Variants in ZSWIM3 observed in about 807,000 individuals in gnomAD.
ZSWIM3 encodes zinc finger SWIM-type containing 3, also known as zinc finger SWIM domain-containing protein 3.
Under a neutral mutation model 47.5 loss-of-function variants are expected in ZSWIM3, and 27 were observed. The ratio of observed to expected loss-of-function variants is 0.57; its 90% CI spans 0.42 to 0.78. The LOEUF (loss-of-function observed/expected upper bound fraction) is 0.78, where lower values mean the gene tolerates loss of function less well. Among genes scored for constraint, ZSWIM3 ranks in the 30% least tolerant of loss-of-function variants. ZSWIM3 has a pLI of 0.00. For synonymous variants in ZSWIM3, 333 were observed against 333.9 expected (o/e 1.00, Z 0.03); for missense variants, 689 against 861.3 (o/e 0.80, Z 2.50).
intron 1 of ZSWIM3, among the ~76,000 whole-genome samples, chr20:45,873,273 T>C (rs892909921): frequency 2.0e-5 from 3 of 152,102 alleles, no homozygotes; most frequent in African/African-American, 2.4e-5. Flanking sequence ...TGGTGGCGCA[T>C]GCCTGTAATC....
Position 45,878,304 on chromosome 20 carries a change from C to T in ZSWIM3, c.1746C>T (p.Arg582=), listed in dbSNP as rs781502902. The part of the protein sequence containing the change: ...QQPVGEAMVC[R]RWQKKYQYLL... The stretch of plus-strand genomic sequence containing the variant: ...CGGTTGGTGAAGCCATGGTGTGCCG[C>T]CGGTGGCAGAAGAAGTACCAGTACC... Residue 582 remains arginine (R), a synonymous_variant, in exon 2 of 2, where the codon CGC becomes CGT. Transcript: ENST00000255152. 6 of 1,614,216 alleles carry T rather than the reference C, an allele frequency of 3.7e-6. No homozygotes were observed. The highest frequency in any genetic ancestry group is 5.1e-6 in the Non-Finnish European group (6 of 1,180,046).
chr20:45,872,632 TG>T lies in ZSWIM3; in HGVS notation c.156-4080del, dbSNP rs1391560569. 1.9e-6 allele frequency: 2 copies of T among 1,047,514 alleles called. 1 individual carries two copies. The highest frequency in any genetic ancestry group is 3.3e-5 in the African/African-American group (2 of 60,674). 64.9% of individuals were successfully genotyped at this position (1,047,514 alleles called of 1,614,324 possible). On this transcript the variant is annotated intron_variant, in intron 1 of 1. Coordinates refer to ENST00000255152, the MANE Select transcript of ZSWIM3 (RefSeq NM_080752.4). ...ACATGCACAAAGGTGAGACAGAGCA[TG>T]GTGAACACACAAAGTTGTAGGCATT...
At chr20:45,867,374 G>A (rs537506387) in intron 1 of ZSWIM3, among the ~76,000 whole-genome samples, 1 of 152,302 alleles carries the variant, frequency 6.6e-6, no homozygotes, top group East Asian at 1.9e-4. Flanking sequence ...TCACTGTAGT[G>A]AGGGCAGTGT....
At chr20:45,875,333 T>C (rs1018635245) in intron 1 of ZSWIM3, among the ~76,000 whole-genome samples, 1 of 151,342 alleles carries the variant, frequency 6.6e-6, no homozygotes, top group African/African-American at 2.4e-5. Context: ...TGAGCCACTG[T>C]ACCTGGCCAA....
Position 45,877,584 on chromosome 20 carries a change from T to G in ZSWIM3, c.1026T>G (p.Thr342=). 1 of 1,614,182 alleles carries G rather than the reference T, an allele frequency of 6.2e-7. No individual in the cohort carries two copies. The highest frequency in any genetic ancestry group is 8.5e-7 in the Non-Finnish European group (1 of 1,180,030). The change falls in exon 2 of 2, where the codon ACT becomes ACG. Residue 342 remains threonine (T), a synonymous_variant. Transcript: ENST00000255152. The part of the protein sequence containing the change: ...KEALREAVFV[T]SEASLKNLCQ... ...CCCTGCGGGAGGCCGTGTTTGTCAC[T>G]TCTGAAGCCAGCCTGAAAAATCTCT...
chr20:45,877,622 A>G lies in ZSWIM3; in HGVS notation c.1064A>G (p.Gln355Arg). The G allele has an allele frequency of 6.2e-7, 1 of 1,614,184 alleles. No individual in the cohort carries two copies. Among genetic ancestry groups the G allele is most frequent in the Non-Finnish European group, 8.5e-7 (1 of 1,180,024 alleles). ...CTGAAAAATCTCTGCCAGATGTCCC[A>G]GGCCGTACTGGATGAGGATCTCTTC... ...ASLKNLCQMS[Q>R]AVLDEDLFNF... is the part of the protein sequence containing the mutation. Residue 355 changes from glutamine (Q) to arginine (R), a missense_variant, in exon 2 of 2, where the codon CAG becomes CGG. Transcript: ENST00000255152.
chr20:45,860,863 G>A (rs1001432258), intron 1 of ZSWIM3, among the ~76,000 whole-genome samples: 1 of 152,200 alleles, frequency 6.6e-6, no homozygotes, highest in African/African-American at 2.4e-5. Flanking sequence ...ATTAGGACAA[G>A]GACATCTTCA....
Position 45,877,956 on chromosome 20 carries a change from C to T in ZSWIM3, c.1398C>T (p.Ser466=). Residue 466 remains serine (S), a synonymous_variant, in exon 2 of 2, where the codon AGC becomes AGT. Coordinates refer to ENST00000255152, the MANE Select transcript of ZSWIM3 (RefSeq NM_080752.4). ...GAATCTGTGGAGAGAGCCTTACCAG[C>T]CTCCCTGCAGAAGAGACCAAGCCAG... ...AFGICGESLT[S]LPAEETKPDA... The T allele has an allele frequency of 6.2e-7, 1 of 1,614,114 alleles. No homozygotes were observed. The highest frequency in any genetic ancestry group is 8.5e-7 in the Non-Finnish European group (1 of 1,180,026).
intron 1 of ZSWIM3, among the ~76,000 whole-genome samples, chr20:45,875,114 C>A (rs900605683): frequency 1.4e-5 from 2 of 145,348 alleles, no homozygotes; most frequent in Non-Finnish European, 3.0e-5. Flanking sequence ...TCTTGGCTCA[C>A]TGCAAGCAAG....
intron 1 of ZSWIM3, among the ~76,000 whole-genome samples, chr20:45,874,382 C>T (rs1009011007): frequency 1.3e-5 from 2 of 152,164 alleles, no homozygotes; most frequent in Admixed American, 6.5e-5. Context: ...TGCAGTGCTG[C>T]ATGCCTGTCA....
Position 45,878,456 on chromosome 20 carries a change from C to T in ZSWIM3, c.1898C>T (p.Thr633Ile), listed in dbSNP as rs771307649. 10 of 1,614,078 alleles carry T rather than the reference C, an allele frequency of 6.2e-6. No homozygotes were observed. The highest frequency in any genetic ancestry group is 8.5e-6 in the Non-Finnish European group (10 of 1,180,044). ...GAGTTAGCAAACCTGCTCATGCAGA[C>T]CGAGGGGCCAGAGCTGGAGGAACGC... ...SRELANLLMQ[T>I]EGPELEERYS... Residue 633 changes from threonine to isoleucine, a missense_variant, in exon 2 of 2, where the codon ACC becomes ATC. Thr to Ile is a moderately conservative substitution (Grantham distance 89). Coordinates refer to ENST00000255152, the MANE Select transcript of ZSWIM3 (RefSeq NM_080752.4).
chr20:45,860,434 C>T (rs918731222), intron 1 of ZSWIM3, among the ~76,000 whole-genome samples: 5 of 122,128 alleles, frequency 4.1e-5, no homozygotes, highest in African/African-American at 1.6e-4. Flanking sequence ...AGAATTGCAG[C>T]CGGGAGGTGG....
chr20:45,873,208 C>T (rs918446436), intron 1 of ZSWIM3, among the ~76,000 whole-genome samples: 1 of 152,172 alleles, frequency 6.6e-6, no homozygotes, highest in Non-Finnish European at 1.5e-5. Context: ...TCAAGACCAG[C>T]CTGGCCAACA....
chr20:45,876,378 G>A (rs1264046616), intron 1 of ZSWIM3, among the ~76,000 whole-genome samples: 1 of 152,078 alleles, frequency 6.6e-6, no homozygotes, highest in Non-Finnish European at 1.5e-5. Context: ...TCACTCTGTT[G>A]CCCAGGCTGG....
At chr20:45,858,060 GT>G (rs1220980479) in intron 1 of ZSWIM3, 80 bp downstream of exon 1, 2 of 1,474,226 alleles carry the variant, frequency 1.4e-6, no homozygotes, top group Non-Finnish European at 1.8e-6. Flanking sequence ...AGGAGGAGGG[GT>G]GCATAGGCAC....
Position 45,878,575 on chromosome 20 carries a change from C to T in ZSWIM3, c.2017C>T (p.Arg673Cys), listed in dbSNP as rs141779185. The T allele has an allele frequency of 1.5e-4, 241 of 1,614,060 alleles. No individual in the cohort carries two copies. In the African/African-American group the frequency reaches 1.6e-3, roughly 10 times the overall value. The change falls in exon 2 of 2, where the codon CGC becomes TGC. Residue 673 changes from arginine (R) to cysteine (C), a missense_variant. By Grantham distance (180) the Arg-to-Cys change is radical. Coordinates refer to ENST00000255152, the MANE Select transcript of ZSWIM3 (RefSeq NM_080752.4). ...GCCAGGAGACTTTAAGGACGTGGGC[C>T]GCCTCCCTTTCCTCTGGGGAAAGCA... is the stretch of plus-strand genomic sequence containing the variant. ...QQPGDFKDVG[R>C]LPFLWGKQEE...
intron 1 of ZSWIM3, 46 bp from the exon 2 acceptor site, chr20:45,876,668 G>T (rs116450250): frequency 1.1e-5 from 17 of 1,571,380 alleles, no homozygotes; most frequent in African/African-American, 8.1e-5. Context: ...TATAAGGGGT[G>T]GGGGGTGGTC....
chr20:45,868,976 A>G (rs902865125), intron 1 of ZSWIM3, among the ~76,000 whole-genome samples: 3 of 149,872 alleles, frequency 2.0e-5, no homozygotes, highest in Non-Finnish European at 3.0e-5. Context: ...TAATTTTTGT[A>G]TTTTTAGTAG....
At chr20:45,875,917 C>T (rs573528968) in intron 1 of ZSWIM3, among the ~76,000 whole-genome samples, 1 of 152,104 alleles carries the variant, frequency 6.6e-6, no homozygotes, top group East Asian at 1.9e-4. Context: ...ACTGCAGCCT[C>T]AAACTCCTGA....
Sources: gnomAD v4.1 joint callset for allele counts (sites outside exome capture counted in the v4.1 genomes callset) on GRCh38, gnomAD v4.1.1 for gene constraint, MANE v1.5 for transcripts, NCBI Gene and HGNC (gene_info 2026-07-23, HGNC 2026-07-21) for gene names.